KYNU: variants seen among roughly 807,000 people sequenced by gnomAD.
The protein encoded by KYNU is L-kynurenine hydrolase.
KYNU carries 54 observed loss-of-function variants against 59.2 expected under a neutral mutation model. The observed-to-expected ratio is 0.91, with a 90% CI of 0.73 to 1.14. KYNU has a LOEUF of 1.14. KYNU is among the 50% of genes most tolerant of loss of function. The probability of loss-of-function intolerance (pLI) is 0.00; values close to 1 mark genes in which losing one functional copy is unlikely to be tolerated. For missense variants in KYNU, 567 were observed against 554.4 expected (o/e 1.02, Z -0.23); for synonymous variants, 177 against 192.0 (o/e 0.92, Z 0.65).
intron 2 of KYNU, among the ~76,000 whole-genome samples, chr2:142,897,799 A>AAGG (rs1469725491): frequency 5.3e-5 from 8 of 152,178 alleles, no homozygotes; most frequent in Middle Eastern, 3.4e-3. Context: ...TTCTAATAAA[A>AAGG]CCCCTAAACT....
Position 142,885,515 on chromosome 2 carries a change from A to G in KYNU, c.148A>G (p.Lys50Glu), listed in dbSNP as rs770083748. The change falls in exon 2 of 14, where the codon AAA becomes GAA. Residue 50 changes from lysine (K) to glutamate (E), a missense_variant. Coordinates refer to ENST00000264170, the MANE Select transcript of KYNU (RefSeq NM_003937.3). ...RHFRECFYIP[K>E]IQDLPPVDLS... ...CTTCAGGGAGTGCTTTTATATTCCC[A>G]AAATACAGGATCTGCCTCCAGGTAA... is the stretch of plus-strand genomic sequence containing the variant. The G allele has an allele frequency of 1.8e-5, 29 of 1,613,668 alleles. No individual in the cohort carries two copies. Among genetic ancestry groups the G allele is most frequent in the Admixed American group, 5.0e-5 (3 of 60,024 alleles).
chr2:142,972,819 G>A (rs1022587224), intron 8 of KYNU, among the ~76,000 whole-genome samples: 1 of 143,574 alleles, frequency 7.0e-6, no homozygotes, highest in African/African-American at 2.5e-5. Context: ...TATATAGAGA[G>A]AGAGAGAGAG....
In KYNU at chr2:142,986,001, T is replaced by C. The variant is rs1471675459; in HGVS notation, c.882T>C (p.His294=). 1.9e-6 allele frequency: 3 copies of C among 1,610,482 alleles called. No individual in the cohort carries two copies. Among genetic ancestry groups the C allele is most frequent in the Non-Finnish European group, 1.7e-6 (2 of 1,177,402 alleles). Residue 294 remains histidine, a synonymous_variant, in exon 10 of 14, where the codon CAT becomes CAC. Transcript: ENST00000264170. ...GIAGAFIHEK[H]AHTIKPALVG... is the part of the protein sequence containing the mutation. ...CTGGTGCCTTCATTCATGAAAAGCA[T>C]GCCCATACGATTAAACCTGCGTGAG...
chr2:142,988,056 T>G (rs1316712290), intron 10 of KYNU, among the ~76,000 whole-genome samples: 1 of 151,854 alleles, frequency 6.6e-6, no homozygotes, highest in Non-Finnish European at 1.5e-5. Flanking sequence ...CCTCTTTTCT[T>G]TATAAATTAC....
intron 10 of KYNU, among the ~76,000 whole-genome samples, chr2:143,028,961 T>C (rs1271178626): frequency 6.6e-6 from 1 of 152,224 alleles, no homozygotes; most frequent in East Asian, 1.9e-4. Flanking sequence ...GGTACATTTC[T>C]CTTTAGAGAT....
chr2:142,964,221 G>A (rs1948412), intron 8 of KYNU, among the ~76,000 whole-genome samples: 23,585 of 151,316 alleles, frequency 0.16, 2,159 homozygotes, highest in East Asian at 0.33. Flanking sequence ...TTTCATTTGA[G>A]AACTACTAAT....
chr2:142,983,686 A>T (rs1329444768), intron 8 of KYNU, among the ~76,000 whole-genome samples: 4 of 152,094 alleles, frequency 2.6e-5, no homozygotes, highest in Non-Finnish European at 5.9e-5. Flanking sequence ...GAGATTTGAC[A>T]TTGGCTCTAT....
rs1392515840 is a variant in KYNU, at chr2:143,044,712, G to A, written c.*2540G>A. 6.6e-6 allele frequency: 1 copy of A among 152,064 alleles called. No homozygotes were observed. The highest frequency in any genetic ancestry group is 2.4e-5 in the African/African-American group (1 of 41,402). 9.4% of individuals were successfully genotyped at this position (152,064 alleles called of 1,614,324 possible). A position where few individuals can be genotyped will look rare whatever the true frequency, so the allele number is the denominator to read the frequency against. ...TCTTGTAAATTTATTTAAGTCCCTT[G>A]TAGATTCTGGATATTTTCCCTTTGT... is the stretch of plus-strand genomic sequence containing the variant. On this transcript the variant is annotated 3_prime_UTR_variant, in exon 14 of 14. Coordinates refer to ENST00000264170, the MANE Select transcript of KYNU (RefSeq NM_003937.3).
intron 2 of KYNU, among the ~76,000 whole-genome samples, chr2:142,886,748 A>G (rs937562636): frequency 2.6e-5 from 4 of 152,244 alleles, no homozygotes; most frequent in Admixed American, 1.3e-4. Context: ...TGTGCATCAC[A>G]CAATGTGGAA....
Position 143,054,382 on chromosome 2 carries a change from G to A in KYNU, c.*12210G>A, listed in dbSNP as rs1687318145. 1.3e-5 allele frequency: 2 copies of A among 151,812 alleles called. No homozygotes were observed. Among genetic ancestry groups the A allele is most frequent in the South Asian group, 4.2e-4 (2 of 4,802 alleles). 9.4% of individuals were successfully genotyped at this position (151,812 alleles called of 1,614,324 possible). A position where few individuals can be genotyped will look rare whatever the true frequency, so the allele number is the denominator to read the frequency against. ...TACTTTGGAAAATTATTCTTTATAG[G>A]AAATTACAGATAATATTTGATGAAG... On this transcript the variant is annotated 3_prime_UTR_variant, in exon 14 of 14. Coordinates refer to ENST00000264170, the MANE Select transcript of KYNU (RefSeq NM_003937.3).
intron 10 of KYNU, among the ~76,000 whole-genome samples, chr2:143,012,834 C>T (rs1231186387): frequency 6.6e-6 from 1 of 152,114 alleles, no homozygotes; most frequent in African/African-American, 2.4e-5. Context: ...ACTTTGTGTC[C>T]TCTGACCTAC....
In KYNU at chr2:143,039,446, T is replaced by G. The variant is rs148560579; in HGVS notation, c.1042-982T>G. On this transcript the variant is annotated intron_variant, in intron 12 of 13. Coordinates refer to ENST00000264170, the MANE Select transcript of KYNU (RefSeq NM_003937.3). ...CAAAAAGTGGTTTTGGGGAAAAGCT[T>G]ACATTGTATGATATTTAAATCCATT... 3.3e-3 allele frequency among the ~76,000 whole-genome samples: 510 copies of G among 152,266 alleles called. 1 individual carries two copies. The highest frequency in any genetic ancestry group is 0.012 in the African/African-American group (493 of 41,556).
chr2:143,006,210 G>A (rs1233141682), intron 10 of KYNU, among the ~76,000 whole-genome samples: 1 of 152,044 alleles, frequency 6.6e-6, no homozygotes, highest in Non-Finnish European at 1.5e-5. Context: ...CACCGTGCGC[G>A]AGCCGAAACA....
intron 1 of KYNU, among the ~76,000 whole-genome samples, chr2:142,884,023 A>T (rs536119266): frequency 1.3e-5 from 2 of 152,344 alleles, no homozygotes; most frequent in East Asian, 3.9e-4. Flanking sequence ...TTTTGTTCAA[A>T]AAACCAAACT....
At chr2:142,993,345 T>A (rs755857438) in intron 10 of KYNU, among the ~76,000 whole-genome samples, 6 of 152,012 alleles carry the variant, frequency 3.9e-5, no homozygotes, top group Non-Finnish European at 7.4e-5. Flanking sequence ...CATAAAATTG[T>A]TCTTTATCTT....
chr2:142,955,026 A>G (rs756344870), intron 5 of KYNU, among the ~76,000 whole-genome samples, 155 bp downstream of exon 5: 1 of 152,070 alleles, frequency 6.6e-6, no homozygotes, highest in Non-Finnish European at 1.5e-5. Flanking sequence ...ACCATGATAT[A>G]ATAGCTTCTT....
At chr2:142,941,236 T>A (rs1332760007) in intron 4 of KYNU, among the ~76,000 whole-genome samples, 1 of 152,192 alleles carries the variant, frequency 6.6e-6, no homozygotes, top group Non-Finnish European at 1.5e-5. Flanking sequence ...TCTCCTGTGA[T>A]CTAAGGGAGC....
At chr2:143,036,200 C>T (rs536578667) in intron 12 of KYNU, among the ~76,000 whole-genome samples, 11 of 151,974 alleles carry the variant, frequency 7.2e-5, no homozygotes, top group African/African-American at 2.4e-4. Flanking sequence ...AGCACTTGAA[C>T]GCAAATTTAA....
intron 8 of KYNU, 78 bp from the exon 9 acceptor site, chr2:142,985,006 T>C: frequency 1.1e-6 from 1 of 891,626 alleles, no homozygotes; most frequent in South Asian, 1.3e-5. Context: ...GTTTGTCAAA[T>C]GTTTTCTTAA....
Sources: allele counts gnomAD v4.1 joint callset (sites outside exome capture counted in the v4.1 genomes callset), GRCh38; gene constraint gnomAD v4.1.1; transcripts MANE v1.5; gene names NCBI Gene and HGNC (gene_info 2026-07-23, HGNC 2026-07-21).